CRTC2: variants seen among roughly 807,000 people sequenced by gnomAD.
CRTC2 encodes the protein CREB regulated transcription coactivator 2.
In CRTC2, 25 loss-of-function variants were observed where a neutral mutation model predicts 70.9. That is an observed-to-expected ratio of 0.35 (90% CI 0.26 to 0.49). The LOEUF is 0.49. CRTC2 is among the 20% of genes least tolerant of loss of function. The pLI is 0.98. For synonymous variants in CRTC2, 330 were observed against 364.1 expected (o/e 0.91, Z 1.07); for missense variants, 737 against 882.6 (o/e 0.83, Z 2.09).
rs201718464 is a variant in CRTC2 at position 153,948,112 on chromosome 1, T to C, written c.2079A>G (p.Gln693=). ...GAGGGATGGTGATGAGGTGCCCTCATTGGAGCCGGTCACTGCGGAATGACT... is the reference window on the plus strand; with the variant it reads ...GAGGGATGGTGATGAGGTGCCCTCACTGGAGCCGGTCACTGCGGAATGACT... ...VEESFRSDRL[Q] Residue 693 remains glutamine (Q), a synonymous_variant, in exon 14 of 14, where the codon CAA becomes CAG. Coordinates refer to ENST00000368633, the MANE Select transcript of CRTC2 (RefSeq NM_181715.3). The C allele has an allele frequency of 4.3e-5, 70 of 1,614,056 alleles. No individual in the cohort carries two copies. In the Admixed American group the frequency reaches 4.5e-4, roughly 10 times the overall value.
Position 153,953,625 on chromosome 1 carries a change from G to C in CRTC2, c.435-19C>G. ...CATCGTCCTGGGGTAGAAAAACAAA[G>C]TCATGAGGAGGAAGGCTGGCAGTGG... On this transcript the variant is annotated intron_variant, in intron 4 of 13. Coordinates refer to ENST00000368633, the MANE Select transcript of CRTC2 (RefSeq NM_181715.3). 6.3e-7 allele frequency: 1 copy of C among 1,585,956 alleles called. No individual in the cohort carries two copies. Among genetic ancestry groups the C allele is most frequent in the Non-Finnish European group, 8.6e-7 (1 of 1,161,312 alleles).
At chr1:153,951,816 G>A in intron 10 of CRTC2, 150 bp from the exon 11 acceptor site, 1 of 1,049,792 alleles carries the variant, frequency 9.5e-7, no homozygotes, top group Non-Finnish European at 1.4e-6. Context: ...CCCATCTGGG[G>A]ACTGCCCTTC....
At chr1:153,950,205 G>C (rs1680249393) in intron 11 of CRTC2, among the ~76,000 whole-genome samples, 1 of 152,240 alleles carries the variant, frequency 6.6e-6, no homozygotes, top group Admixed American at 6.5e-5. Context: ...AAGCCACTGT[G>C]CCTAGCCTTA....
At position 153,955,047 on chromosome 1, in the gene CRTC2, T is replaced by C. The variant is rs758981225; in HGVS notation, c.255+18A>G. On this transcript the variant is annotated intron_variant, in intron 2 of 13. Transcript: ENST00000368633. ...CAGCCTAAGAAACTCCACTCCTCCC[T>C]GGCTGGGGTCTACTCACCTGGAACT... 6.2e-7 allele frequency: 1 copy of C among 1,613,734 alleles called. No homozygotes were observed. Among genetic ancestry groups the C allele is most frequent in the South Asian group, 1.1e-5 (1 of 91,072 alleles).
chr1:153,952,916 G>A, intron 6 of CRTC2, 82 bp from the exon 7 acceptor site: 1 of 1,534,766 alleles, frequency 6.5e-7, no homozygotes, highest in Non-Finnish European at 9.0e-7. Context: ...GGGTATGGTG[G>A]CTCATGCCTG....
Position 153,954,274 on chromosome 1 carries a change from G to C in CRTC2, c.415C>G (p.Pro139Ala), listed in dbSNP as rs1289986437. The change falls in exon 4 of 14, where the codon CCA (proline) becomes GCA (alanine). Residue 139 changes from proline to alanine, a missense_variant. This residue lies in a region of CRTC2 where 699 missense variants were observed against 823.7 expected (regional missense o/e 0.85). Transcript: ENST00000368633. ...PYSPAYLSPPPESSWRRTMAW... is the reference protein window; with the variant it reads ...PYSPAYLSPPAESSWRRTMAW... ...ACTTACCTTCGCCAGCTAGACTCTG[G>C]GGGAGGAGATAAGTAGGCAGGACTA... 1 of 1,612,698 alleles carries C rather than the reference G, an allele frequency of 6.2e-7. No homozygotes were observed.
intron 12 of CRTC2, chr1:153,948,871 G>A (rs747233564): frequency 3.2e-5 from 24 of 740,376 alleles, no homozygotes; most frequent in East Asian, 5.3e-5. Context: ...GGAAGAGAAC[G>A]GGTCAAGGCA....
Position 153,955,058 on chromosome 1 carries a change from T to G in CRTC2, c.255+7A>C. On this transcript the variant is annotated splice_region_variant and intron_variant, in intron 2 of 13. Transcript: ENST00000368633. ...ACTCCACTCCTCCCTGGCTGGGGTC[T>G]ACTCACCTGGAACTCGGCCAGGCCA... 3 of 1,613,972 alleles carry G rather than the reference T, an allele frequency of 1.9e-6. No individual in the cohort carries two copies. Among genetic ancestry groups the G allele is most frequent in the Non-Finnish European group, 2.5e-6 (3 of 1,179,828 alleles).
intron 12 of CRTC2, 69 bp from the exon 13 acceptor site, chr1:153,948,713 A>G: frequency 1.3e-6 from 2 of 1,536,552 alleles, no homozygotes; most frequent in South Asian, 2.3e-5. Flanking sequence ...CCCTGCTAAC[A>G]TATCCCCTTT....
chr1:153,954,611 A>C (rs1317657484), intron 3 of CRTC2, among the ~76,000 whole-genome samples: 1 of 152,232 alleles, frequency 6.6e-6, no homozygotes, highest in Non-Finnish European at 1.5e-5. Flanking sequence ...GCAGGAGACA[A>C]GGAAGGCTTG....
At position 153,951,351 on chromosome 1, in the gene CRTC2, A is replaced by T; in HGVS notation, c.1313T>A (p.Leu438His). The change falls in exon 11 of 14, where the codon CTC (leucine) becomes CAC (histidine). Residue 438 changes from leucine (L) to histidine (H), a missense_variant. This residue lies in a region of CRTC2 where 699 missense variants were observed against 823.7 expected (regional missense o/e 0.85). Coordinates refer to ENST00000368633, the MANE Select transcript of CRTC2 (RefSeq NM_181715.3). The stretch of plus-strand genomic sequence containing the variant: ...CCTTCTGGCGTCGGCTGGGCCCGCG[A>T]GCAAACTCAGGGGGCTGAGGGGCAC... The part of the protein sequence containing the change: ...RRVPLSPLSL[L>H]AGPADARRSQ... 1 of 1,613,368 alleles carries T rather than the reference A, an allele frequency of 6.2e-7. No individual in the cohort carries two copies. Among genetic ancestry groups the T allele is most frequent in the Non-Finnish European group, 8.5e-7 (1 of 1,179,760 alleles).
chr1:153,953,554 G>T lies in CRTC2; in HGVS notation c.487C>A (p.Pro163Thr). Residue 163 changes from proline to threonine, a missense_variant, in exon 5 of 14, where the codon CCA becomes ACA. Transcript: ENST00000368633. Reference protein sequence around the residue: ...PAEKGQLFRLPSALNRTSSDS... With the variant: ...PAEKGQLFRLTSALNRTSSDS... Reference sequence around the variant, plus strand: ...AGCCATCACCTGTTAAGTGCAGATGGTAGTCGAAACAACTGCCCCTTCTCT... The same window carrying T: ...AGCCATCACCTGTTAAGTGCAGATGTTAGTCGAAACAACTGCCCCTTCTCT... 6.2e-7 allele frequency: 1 copy of T among 1,611,390 alleles called. No homozygotes were observed. Among genetic ancestry groups the T allele is most frequent in the Non-Finnish European group, 8.5e-7 (1 of 1,179,352 alleles).
intron 3 of CRTC2, among the ~76,000 whole-genome samples, chr1:153,954,551 T>A (rs1224436027): frequency 3.3e-5 from 5 of 152,158 alleles, no homozygotes; most frequent in Non-Finnish European, 7.4e-5. Context: ...GTTATGCAGG[T>A]CTCTGAGACT....
At chr1:153,954,736 G>A (rs979252766) in intron 3 of CRTC2, 137 bp downstream of exon 3, 54 of 760,004 alleles carry the variant, frequency 7.1e-5, no homozygotes, top group East Asian at 5.0e-4. Flanking sequence ...GGCTATGGTC[G>A]CTTTTCAGGG....
At chr1:153,957,867 C>T (rs776636906) in intron 1 of CRTC2, among the ~76,000 whole-genome samples, 1 of 152,106 alleles carries the variant, frequency 6.6e-6, no homozygotes, top group African/African-American at 2.4e-5. Context: ...ACCGCTCGTT[C>T]AAACCACTCA....
intron 12 of CRTC2, 183 bp from the exon 13 acceptor site, chr1:153,948,827 A>C: frequency 1.3e-6 from 1 of 769,922 alleles, no homozygotes; most frequent in Non-Finnish European, 2.2e-6. Flanking sequence ...AAGTATGGGC[A>C]CCGTACCTGC....
At chr1:153,950,194 T>C (rs1334746004) in intron 11 of CRTC2, among the ~76,000 whole-genome samples, 1 of 152,252 alleles carries the variant, frequency 6.6e-6, no homozygotes, top group Non-Finnish European at 1.5e-5. Context: ...ATTACAGGCA[T>C]AAGCCACTGT....
intron 3 of CRTC2, 39 bp from the exon 4 acceptor site, chr1:153,954,355 G>T: frequency 7.0e-7 from 1 of 1,437,894 alleles, no homozygotes; most frequent in Non-Finnish European, 9.8e-7. Flanking sequence ...AGAGAGGACA[G>T]ATGAGAGAGG....
intron 12 of CRTC2, 72 bp downstream of exon 12, chr1:153,949,043 C>T: frequency 6.6e-7 from 1 of 1,509,802 alleles, no homozygotes; most frequent in African/African-American, 1.4e-5. Context: ...GTGCACCAGC[C>T]ATGCCATTCA....
Sources: gnomAD v4.1 joint callset for allele counts (sites outside exome capture counted in the v4.1 genomes callset) on GRCh38, gnomAD v4.1.1 for gene constraint, gnomAD v4.1.1 regional missense constraint, MANE v1.5 for transcripts, NCBI Gene and HGNC (gene_info 2026-07-23, HGNC 2026-07-21) for gene names.